The following UNC5D variants were observed in gnomAD, a reference collection of about 807,000 sequenced individuals.
UNC5D encodes netrin receptor UNC5D.
A neutral mutation model predicts 105.4 loss-of-function variants in UNC5D; 39 were observed. The ratio of observed to expected loss-of-function variants is 0.37; its 90% confidence interval spans 0.29 to 0.48. The LOEUF is 0.48. UNC5D is among the 20% of genes least tolerant of loss of function. UNC5D has a pLI of 0.98. For synonymous variants in UNC5D, 452 were observed against 450.4 expected (o/e 1.00, Z -0.04); for missense variants, 991 against 1,202.4 (o/e 0.82, Z 2.60).
intron 4 of UNC5D, among the ~76,000 whole-genome samples, chr8:35,649,341 C>T (rs1352905339): frequency 6.6e-6 from 1 of 152,148 alleles, no homozygotes; most frequent in Non-Finnish European, 1.5e-5. Flanking sequence ...TCCTGATGGG[C>T]TTGATCCTGA....
At chr8:35,564,070 A>G (rs899679413) in intron 2 of UNC5D, among the ~76,000 whole-genome samples, 3 of 151,880 alleles carry the variant, frequency 2.0e-5, no homozygotes, top group Non-Finnish European at 4.4e-5. Flanking sequence ...TTTTGTTGTT[A>G]TTATTGTGTC....
At position 35,762,407 on chromosome 8, in the gene UNC5D, G is replaced by A. The variant is rs144737276; in HGVS notation, c.2313+2938G>A. On this transcript the variant is annotated intron_variant, in intron 14 of 16. Coordinates refer to ENST00000404895, the MANE Select transcript of UNC5D (RefSeq NM_080872.4). ...GCTTATGAAGCCAGGTATATTGGGT[G>A]AGAAGTAGGAAAGGCTATGTCAGCT... Among the ~76,000 whole-genome samples the A allele has an allele frequency of 4.4e-3, 668 of 152,300 alleles. 8 individuals carry two copies. The South Asian group carries it at 0.053, about 12-fold the overall frequency.
intron 3 of UNC5D, among the ~76,000 whole-genome samples, chr8:35,591,233 A>C (rs1290517670): frequency 1.3e-5 from 2 of 151,998 alleles, no homozygotes; most frequent in African/African-American, 4.8e-5. Flanking sequence ...GCAAATAAAA[A>C]ATTAGCTCCT....
intron 3 of UNC5D, among the ~76,000 whole-genome samples, chr8:35,586,405 G>A (rs1563561946): frequency 2.6e-5 from 4 of 151,988 alleles, no homozygotes. Context: ...CTAACAGAAA[G>A]CCTTTTATGT....
At chr8:35,329,503 G>A (rs13250741) in intron 1 of UNC5D, among the ~76,000 whole-genome samples, 53,378 of 151,308 alleles carry the variant, frequency 0.35, 10,351 homozygotes, top group Middle Eastern at 0.46. Context: ...TAATGAGACC[G>A]GAGAATAGAC....
chr8:35,535,487 C>G (rs1586074649), intron 1 of UNC5D, among the ~76,000 whole-genome samples: 1 of 150,354 alleles, frequency 6.7e-6, no homozygotes, highest in African/African-American at 2.4e-5. Context: ...ATGCCAAAAT[C>G]TTGAGGTACA....
chr8:35,765,285 C>A (rs1401435948), intron 14 of UNC5D, among the ~76,000 whole-genome samples: 1 of 152,160 alleles, frequency 6.6e-6, no homozygotes, highest in East Asian at 1.9e-4. Context: ...GCTTCCAGCC[C>A]CTTCCGCATG....
chr8:35,780,233 C>T (rs1338661425), intron 16 of UNC5D, among the ~76,000 whole-genome samples: 6 of 152,312 alleles, frequency 3.9e-5, no homozygotes, highest in East Asian at 3.9e-4. Context: ...GTTTCAAACA[C>T]ACTTCAGATT....
At chr8:35,582,600 G>T (rs968629735) in intron 3 of UNC5D, among the ~76,000 whole-genome samples, 2 of 152,150 alleles carry the variant, frequency 1.3e-5, no homozygotes, top group Admixed American at 6.5e-5. Context: ...GCCTCATCTT[G>T]TCCCGATTGA....
intron 1 of UNC5D, among the ~76,000 whole-genome samples, chr8:35,462,870 A>C (rs1317443860): frequency 6.6e-6 from 1 of 152,176 alleles, no homozygotes. Flanking sequence ...CCCCCAATTT[A>C]AGTTAAGACA....
chr8:35,489,222 G>T (rs1369116519), intron 1 of UNC5D, among the ~76,000 whole-genome samples: 2 of 151,982 alleles, frequency 1.3e-5, no homozygotes, highest in African/African-American at 4.8e-5. Flanking sequence ...TAGCCAGGCT[G>T]GTCTTGAACC....
At chr8:35,712,839 A>G (rs1828038097) in intron 8 of UNC5D, among the ~76,000 whole-genome samples, 1 of 152,182 alleles carries the variant, frequency 6.6e-6, no homozygotes. Flanking sequence ...CTAAGCTAAC[A>G]TTAGGCTACT....
At chr8:35,589,599 C>T (rs562150009) in intron 3 of UNC5D, among the ~76,000 whole-genome samples, 1 of 152,166 alleles carries the variant, frequency 6.6e-6, no homozygotes, top group Admixed American at 6.5e-5. Flanking sequence ...TAGAATATTT[C>T]CATCACAACA....
chr8:35,423,820 G>A (rs1806068773), intron 1 of UNC5D, among the ~76,000 whole-genome samples: 1 of 149,792 alleles, frequency 6.7e-6, no homozygotes, highest in Non-Finnish European at 1.5e-5. Context: ...TAATAGAAGA[G>A]TTTGTAAACT....
intron 2 of UNC5D, among the ~76,000 whole-genome samples, chr8:35,550,146 A>G (rs770301153): frequency 6.6e-5 from 10 of 152,128 alleles, no homozygotes; most frequent in Non-Finnish European, 1.2e-4. Context: ...ACCACTCACT[A>G]TATATCAGGC....
chr8:35,712,609 C>A (rs1161953346), intron 8 of UNC5D, among the ~76,000 whole-genome samples: 1 of 152,154 alleles, frequency 6.6e-6, no homozygotes, highest in East Asian at 1.9e-4. Flanking sequence ...CATTCTGCAC[C>A]TTTCCCCAAA....
intron 1 of UNC5D, among the ~76,000 whole-genome samples, chr8:35,442,158 G>A (rs1391668905): frequency 6.6e-6 from 1 of 151,640 alleles, no homozygotes; most frequent in Non-Finnish European, 1.5e-5. Context: ...TTTTTTAATT[G>A]GTGGTTTTTG....
At chr8:35,463,964 A>AT (rs892958520) in intron 1 of UNC5D, among the ~76,000 whole-genome samples, 2 of 152,176 alleles carry the variant, frequency 1.3e-5, no homozygotes, top group Non-Finnish European at 2.9e-5. Context: ...TTGGTTTTCT[A>AT]TTATGCTTTG....
At chr8:35,763,892 G>T (rs1801653090) in intron 14 of UNC5D, among the ~76,000 whole-genome samples, 3 of 152,182 alleles carry the variant, frequency 2.0e-5, no homozygotes, top group Admixed American at 2.0e-4. Flanking sequence ...GGTCTCCCAA[G>T]CAAAGGACTC....
Sources: gnomAD v4.1 joint callset for allele counts (sites outside exome capture counted in the v4.1 genomes callset) on GRCh38, gnomAD v4.1.1 for gene constraint, MANE v1.5 for transcripts, NCBI Gene and HGNC (gene_info 2026-07-23, HGNC 2026-07-21) for gene names.